Variants in MDN1 observed in about 807,000 individuals in gnomAD.
The protein encoded by MDN1 is midasin AAA ATPase 1.
A neutral mutation model predicts 669.2 loss-of-function variants in MDN1; 266 were observed. The observed-to-expected ratio is 0.40, with a 90% CI of 0.36 to 0.44. The LOEUF is 0.44. MDN1 is among the 20% of genes least tolerant of loss of function. The pLI, the probability that MDN1 is intolerant of heterozygous loss-of-function variation, is 1.00. For synonymous variants in MDN1, 2,385 were observed against 2,457.1 expected, an observed-to-expected ratio of 0.97 and a Z score of 0.87; for missense variants, 5,940 against 6,754.0, an observed-to-expected ratio of 0.88 and a Z score of 4.22.
rs749520176 is a variant in MDN1 at position 89,644,074 on chromosome 6, T to A, written c.16722A>T (p.Ala5574=). ...PYYIILRDVN[A]LPETLSDALR... The stretch of plus-strand genomic sequence containing the variant: ...GGGCATCGCTGAGTGTCTCAGGAAG[T>A]GCGTTTACATCTCGAAGAATGATAT... The change falls in exon 102 of 102, where the codon GCA becomes GCT. Residue 5574 remains alanine (A), a synonymous_variant. Transcript: ENST00000369393. 2 of 1,614,108 alleles carry A rather than the reference T, an allele frequency of 1.2e-6. No individual in the cohort carries two copies. The highest frequency in any genetic ancestry group is 2.2e-5 in the South Asian group (2 of 91,074).
rs1480477335 is a variant in MDN1, at chr6:89,732,780, AC to A, written c.4724-6del. The A allele has an allele frequency of 6.2e-7, 1 of 1,612,138 alleles. No homozygotes were observed. The highest frequency in any genetic ancestry group is 2.2e-5 in the East Asian group (1 of 44,852). ...TCACTTCAGGTATGTCAGACCCTAAACACAAGAAACAAAAAAAGCATTTGCT... is the reference window on the plus strand; with the variant it reads ...TCACTTCAGGTATGTCAGACCCTAAAACAAGAAACAAAAAAAGCATTTGCT... On this transcript the variant is annotated splice_region_variant and splice_polypyrimidine_tract_variant and intron_variant, in intron 33 of 101. Transcript: ENST00000369393.
In MDN1 at chr6:89,732,901, G is replaced by A; in HGVS notation, c.4724-126C>T. ...TCCTTCTAAGCAAAGTTCTGTGAATGAATGTACATAAATGCTGTTTCTAAC... is the reference window on the plus strand; with the variant it reads ...TCCTTCTAAGCAAAGTTCTGTGAATAAATGTACATAAATGCTGTTTCTAAC... On this transcript the variant is annotated intron_variant, in intron 33 of 101. Transcript: ENST00000369393. 5 of 735,740 alleles carry A rather than the reference G, an allele frequency of 6.8e-6. No homozygotes were observed. In the South Asian group the frequency reaches 9.3e-5, roughly 14 times the overall value. 45.6% of individuals were successfully genotyped at this position (735,740 alleles called of 1,614,324 possible).
Position 89,698,910 on chromosome 6 carries a change from C to T in MDN1, c.9123G>A (p.Met3041Ile), listed in dbSNP as rs1167769981. The change falls in exon 59 of 102, where the codon ATG (methionine) becomes ATA (isoleucine). Residue 3041 changes from methionine (M) to isoleucine (I), a missense_variant. Physicochemically the swap from Met to Ile is conservative, Grantham distance 10. Around this residue, in one of 5 missense-constraint regions of MDN1, gnomAD observed 2,292 missense variants for 2,638.3 expected, o/e 0.87. Coordinates refer to ENST00000369393, the MANE Select transcript of MDN1 (RefSeq NM_014611.3). ...YWLMWNPLPG[M>I]QQREAPKSVL... ...CAGACTTGGGTGCCTCCCTCTGCTGCATACCAGGCAAAGGGTTCCACATTA... is the reference window on the plus strand; with the variant it reads ...CAGACTTGGGTGCCTCCCTCTGCTGTATACCAGGCAAAGGGTTCCACATTA... The T allele has an allele frequency of 1.9e-6, 3 of 1,614,142 alleles. No individual in the cohort carries two copies. Among genetic ancestry groups the T allele is most frequent in the Admixed American group, 1.7e-5 (1 of 60,018 alleles).
chr6:89,729,239 G>C, intron 35 of MDN1, 100 bp from the exon 36 acceptor site: 1 of 873,816 alleles, frequency 1.1e-6, no homozygotes, highest in East Asian at 2.7e-5. Flanking sequence ...TGGGTTATCA[G>C]TTAGTGAAAT....
chr6:89,776,921 C>A (rs1186121660), intron 11 of MDN1, among the ~76,000 whole-genome samples: 1 of 151,918 alleles, frequency 6.6e-6, no homozygotes, highest in Non-Finnish European at 1.5e-5. Flanking sequence ...AAATACTTGC[C>A]AAATAAAAAA....
Position 89,675,498 on chromosome 6 carries a change from G to T in MDN1, c.12727C>A (p.Leu4243Met). Residue 4243 changes from leucine (L) to methionine (M), a missense_variant, in exon 78 of 102, where the codon CTG (leucine) becomes ATG (methionine). This residue lies in a region of MDN1 where 2,280 missense variants were observed against 2,576.3 expected (regional missense o/e 0.88). Coordinates refer to ENST00000369393, the MANE Select transcript of MDN1 (RefSeq NM_014611.3). ...ATCCACTGCTCACTGAGCGTGGTCA[G>T]GGAGCGCCGCTGTCGGACGAGCATC... is the stretch of plus-strand genomic sequence containing the variant. ...MKMLVRQRRSLTTLSEQWIIL... is the reference protein window; with the variant it reads ...MKMLVRQRRSMTTLSEQWIIL... 6.2e-7 allele frequency: 1 copy of T among 1,613,742 alleles called. No homozygotes were observed. Among genetic ancestry groups the T allele is most frequent in the Non-Finnish European group, 8.5e-7 (1 of 1,180,030 alleles).
intron 1 of MDN1, among the ~76,000 whole-genome samples, chr6:89,806,811 C>G (rs1381387218): frequency 1.3e-5 from 2 of 151,702 alleles, no homozygotes; most frequent in African/African-American, 4.8e-5. Context: ...CCCAGCTACT[C>G]TGGAGAGTGA....
intron 69 of MDN1, among the ~76,000 whole-genome samples, chr6:89,686,530 T>C (rs1370222915): frequency 1.3e-5 from 2 of 152,174 alleles, no homozygotes; most frequent in Non-Finnish European, 2.9e-5. Flanking sequence ...AATTATAAGG[T>C]GCTTGTCACA....
rs199526198 is a variant in MDN1 at position 89,644,132 on chromosome 6, C to T, written c.16664G>A (p.Arg5555Gln). The T allele has an allele frequency of 6.4e-5, 103 of 1,613,922 alleles. No individual in the cohort carries two copies. The highest frequency in any genetic ancestry group is 8.3e-5 in the Non-Finnish European group (98 of 1,180,004). ...GAATGGGAACTCTTCCATGTAGGAT[C>T]GGATTTCAGGCATCTCTCCAGGTCC... ...FKGPGEMPEI[R>Q]SYMEEFPFPY... The change falls in exon 102 of 102, where the codon CGA becomes CAA. Residue 5555 changes from arginine to glutamine, a missense_variant. Around this residue, in one of 5 missense-constraint regions of MDN1, gnomAD observed 2,280 missense variants for 2,576.3 expected, o/e 0.88. Coordinates refer to ENST00000369393, the MANE Select transcript of MDN1 (RefSeq NM_014611.3).
intron 37 of MDN1, among the ~76,000 whole-genome samples, 197 bp downstream of exon 37, chr6:89,727,636 T>C (rs1035707285): frequency 6.6e-6 from 1 of 152,206 alleles, no homozygotes; most frequent in African/African-American, 2.4e-5. Flanking sequence ...AGGTTTTATG[T>C]ACAAGGGCCT....
Position 89,695,554 on chromosome 6 carries a change from A to T in MDN1, c.9771+51T>A, listed in dbSNP as rs765289288. 5.9e-6 allele frequency: 9 copies of T among 1,530,830 alleles called. No homozygotes were observed. The highest frequency in any genetic ancestry group is 7.9e-6 in the Non-Finnish European group (9 of 1,137,006). 94.8% of individuals were successfully genotyped at this position (1,530,830 alleles called of 1,614,324 possible). ...ATAAAAGGAGTAATACAATAAGCAA[A>T]CCCAGCACGTCAGGGAAGGAGCCCA... is the stretch of plus-strand genomic sequence containing the variant. On this transcript the variant is annotated intron_variant, in intron 61 of 101. Transcript: ENST00000369393. This position sits in a 1 kb window ranked among gnomAD's most constrained non-coding sequence, Gnocchi z 4.1.
intron 82 of MDN1, among the ~76,000 whole-genome samples, chr6:89,671,729 T>C (rs1368339935): frequency 6.6e-6 from 1 of 152,226 alleles, no homozygotes; most frequent in African/African-American, 2.4e-5. Context: ...TAAATTCTGC[T>C]GATTCAAAGT....
At chr6:89,760,119 A>G (rs887264527) in intron 17 of MDN1, among the ~76,000 whole-genome samples, 2 of 152,220 alleles carry the variant, frequency 1.3e-5, no homozygotes, top group Non-Finnish European at 2.9e-5. Flanking sequence ...TTCCACACCC[A>G]TAATGTATGG....
intron 31 of MDN1, among the ~76,000 whole-genome samples, chr6:89,741,557 C>T (rs1439236639): frequency 6.6e-6 from 1 of 152,006 alleles, no homozygotes; most frequent in Middle Eastern, 3.4e-3. Flanking sequence ...CCAGAGGTCA[C>T]GAGATTCATA....
intron 40 of MDN1, among the ~76,000 whole-genome samples, chr6:89,721,543 T>TGAA (rs75592813): frequency 0.18 from 27,394 of 152,018 alleles, 2,772 homozygotes; most frequent in South Asian, 0.31. Context: ...AATTCATGCT[T>TGAA]GAAGAAATGC....
chr6:89,808,906 T>C (rs1278433447), intron 1 of MDN1, among the ~76,000 whole-genome samples: 1 of 152,170 alleles, frequency 6.6e-6, no homozygotes, highest in East Asian at 1.9e-4. Flanking sequence ...GTACCAGTTA[T>C]TCTATCATGA....
chr6:89,726,943 A>G (rs1815274982), intron 37 of MDN1, among the ~76,000 whole-genome samples: 2 of 152,178 alleles, frequency 1.3e-5, no homozygotes, highest in Non-Finnish European at 2.9e-5. Context: ...ATAAATCTAG[A>G]ATGTCTTGTC....
At chr6:89,757,513 C>T (rs1817316264) in intron 19 of MDN1, among the ~76,000 whole-genome samples, 1 of 152,138 alleles carries the variant, frequency 6.6e-6, no homozygotes, top group African/African-American at 2.4e-5. Context: ...ATATGCCTAC[C>T]ACCTACAGAG....
Position 89,674,179 on chromosome 6 carries a change from AGC to A in MDN1, c.13170_13171del (p.Met4390IlefsTer5). The A allele has an allele frequency of 6.2e-7, 1 of 1,614,220 alleles. No individual in the cohort carries two copies. Among genetic ancestry groups the A allele is most frequent in the Non-Finnish European group, 8.5e-7 (1 of 1,180,054 alleles). On this transcript the variant is annotated frameshift_variant, in exon 79 of 102. Coordinates refer to ENST00000369393, the MANE Select transcript of MDN1 (RefSeq NM_014611.3). LOFTEE classifies it high-confidence loss of function. ...AGCTTTCACTGTTTTAATGGTTTTT[AGC>A]ATCTCTGTTAATCTCGTAGTTGACT... is the stretch of plus-strand genomic sequence containing the variant.
Sources: gnomAD v4.1 joint callset for allele counts (sites outside exome capture counted in the v4.1 genomes callset) on GRCh38, gnomAD v4.1.1 for gene constraint, gnomAD v4.1.1 regional missense constraint, Gnocchi (gnomAD v3.1) non-coding constraint, MANE v1.5 for transcripts, NCBI Gene and HGNC (gene_info 2026-07-23, HGNC 2026-07-21) for gene names.